Variants in HSF5 observed in about 807,000 individuals in gnomAD.
The protein encoded by HSF5 is heat shock transcription factor 5.
A neutral mutation model predicts 50.8 loss-of-function variants in HSF5; 5 were observed. The ratio of observed to expected loss-of-function variants is 0.10; its 90% CI spans 0.05 to 0.21. HSF5 has a LOEUF of 0.21. HSF5 is among the 10% of genes least tolerant of loss of function. The probability of loss-of-function intolerance (pLI) is 1.00; values close to 1 mark genes in which losing one functional copy is unlikely to be tolerated. For synonymous variants in HSF5, 307 were observed against 307.4 expected (o/e 1.00, Z 0.02); for missense variants, 564 against 762.6 (o/e 0.74, Z 3.07).
intron 5 of HSF5, among the ~76,000 whole-genome samples, chr17:58,453,431 TAAAAATAC>T (rs1567911039): frequency 6.6e-6 from 1 of 151,812 alleles, no homozygotes; most frequent in East Asian, 2.0e-4. Context: ...CTGTCTCTAC[TAAAAATAC>T]AAAAATTAGC....
chr17:58,452,808 C>T (rs900722721), intron 5 of HSF5, among the ~76,000 whole-genome samples: 1 of 152,118 alleles, frequency 6.6e-6, no homozygotes, highest in Admixed American at 6.5e-5. Context: ...ATCTTTCTGC[C>T]CTCCCCAAGT....
chr17:58,426,233 G>T (rs535064934), intron 5 of HSF5, among the ~76,000 whole-genome samples: 10 of 152,154 alleles, frequency 6.6e-5, no homozygotes, highest in African/African-American at 2.2e-4. Context: ...TTAATAATTG[G>T]GCTTTAAAGT....
At chr17:58,469,474 C>T (rs1158406149) in intron 2 of HSF5, among the ~76,000 whole-genome samples, 3 of 152,040 alleles carry the variant, frequency 2.0e-5, no homozygotes, top group Admixed American at 2.0e-4. Flanking sequence ...AAAACAGTAC[C>T]TGTATGAAGA....
intron 5 of HSF5, among the ~76,000 whole-genome samples, chr17:58,442,974 TC>T (rs1427665785): frequency 6.6e-6 from 1 of 151,942 alleles, no homozygotes; most frequent in Non-Finnish European, 1.5e-5. Flanking sequence ...GTGGCAGTGA[TC>T]TCGGCTCACT....
In HSF5 at chr17:58,466,957, A is replaced by G. The variant is rs1974876211; in HGVS notation, c.948T>C (p.Pro316=). 6.2e-7 allele frequency: 1 copy of G among 1,610,648 alleles called. No homozygotes were observed. The highest frequency in any genetic ancestry group is 1.3e-5 in the African/African-American group (1 of 74,856). ...YPTAVLQCCS[P]THMDALSSCV... ...AACTACTTAGAGCATCCATGTGGGT[A>G]GGAGAACAGCACTGTAGCACAGCTG... is the stretch of plus-strand genomic sequence containing the variant. The change falls in exon 3 of 6, where the codon CCT becomes CCC. Residue 316 remains proline, a synonymous_variant. Transcript: ENST00000323777.
chr17:58,439,644 C>T (rs1442544206), intron 5 of HSF5, among the ~76,000 whole-genome samples: 1 of 152,108 alleles, frequency 6.6e-6, no homozygotes, highest in Non-Finnish European at 1.5e-5. Flanking sequence ...GCCACCATGC[C>T]CAGCTAATTC....
At chr17:58,439,651 A>G (rs989575303) in intron 5 of HSF5, among the ~76,000 whole-genome samples, 2 of 152,056 alleles carry the variant, frequency 1.3e-5, no homozygotes, top group African/African-American at 4.8e-5. Context: ...TGCCCAGCTA[A>G]TTCTGTATTT....
chr17:58,437,445 T>C (rs560948591), intron 5 of HSF5, among the ~76,000 whole-genome samples: 5 of 152,212 alleles, frequency 3.3e-5, no homozygotes, highest in Non-Finnish European at 5.9e-5. Context: ...TTTTTAAAAT[T>C]TGAAAAACAT....
intron 2 of HSF5, among the ~76,000 whole-genome samples, chr17:58,469,612 C>T (rs1477596744): frequency 6.6e-6 from 1 of 151,978 alleles, no homozygotes; most frequent in Non-Finnish European, 1.5e-5. Flanking sequence ...ATATGAAAAC[C>T]TAGGCATAGA....
chr17:58,445,369 A>G (rs1198339184), intron 5 of HSF5, among the ~76,000 whole-genome samples: 1 of 152,204 alleles, frequency 6.6e-6, no homozygotes, highest in African/African-American at 2.4e-5. Context: ...ATTTGAGTCC[A>G]GGAGTTTTGA....
chr17:58,480,365 C>T, intron 1 of HSF5, 98 bp from the exon 2 acceptor site: 1 of 1,162,724 alleles, frequency 8.6e-7, no homozygotes, highest in Admixed American at 2.5e-5. Flanking sequence ...CACCTATCAG[C>T]CATTTTTAAC....
chr17:58,478,719 C>T (rs572612423), intron 2 of HSF5, among the ~76,000 whole-genome samples: 11 of 150,794 alleles, frequency 7.3e-5, no homozygotes, highest in African/African-American at 2.4e-4. Context: ...AAAAATTAGC[C>T]GGGTGTGGTG....
At chr17:58,433,761 C>T (rs1187171831) in intron 5 of HSF5, among the ~76,000 whole-genome samples, 5 of 152,044 alleles carry the variant, frequency 3.3e-5, no homozygotes, top group Non-Finnish European at 7.4e-5. Flanking sequence ...CATTGGAAAC[C>T]TTGACAAATG....
chr17:58,454,239 A>C (rs893541949), intron 5 of HSF5, among the ~76,000 whole-genome samples: 10 of 152,178 alleles, frequency 6.6e-5, no homozygotes, highest in African/African-American at 2.4e-4. Flanking sequence ...AAAACAAAAC[A>C]AAACAAAAAA....
At chr17:58,446,592 ACTGAGT>A (rs750917226) in intron 5 of HSF5, among the ~76,000 whole-genome samples, 9 of 152,158 alleles carry the variant, frequency 5.9e-5, no homozygotes, top group Non-Finnish European at 1.3e-4. Flanking sequence ...GTGGGAAGAA[ACTGAGT>A]CTTGGCCTGA....
chr17:58,466,203 G>A (rs550127232), intron 3 of HSF5, among the ~76,000 whole-genome samples: 14 of 152,198 alleles, frequency 9.2e-5, no homozygotes, highest in African/African-American at 3.4e-4. Context: ...TTGACTAAGG[G>A]ATACTGAACC....
chr17:58,478,470 C>A (rs1489014547), intron 2 of HSF5, among the ~76,000 whole-genome samples: 1 of 121,252 alleles, frequency 8.2e-6, no homozygotes, highest in African/African-American at 3.2e-5. Flanking sequence ...AGCGAGACTC[C>A]ATCTCAAAAA....
At chr17:58,431,836 C>G (rs1046345354) in intron 5 of HSF5, among the ~76,000 whole-genome samples, 1 of 152,114 alleles carries the variant, frequency 6.6e-6, no homozygotes, top group Admixed American at 6.6e-5. Flanking sequence ...TCAAACCTTA[C>G]CTCTTAGTGG....
intron 5 of HSF5, among the ~76,000 whole-genome samples, chr17:58,458,036 G>T (rs1427893456): frequency 6.6e-6 from 1 of 152,038 alleles, no homozygotes; most frequent in African/African-American, 2.4e-5. Flanking sequence ...TTAAAATGAT[G>T]GTCTGTCATT....
Sources: gnomAD v4.1 joint callset for allele counts (sites outside exome capture counted in the v4.1 genomes callset) on GRCh38, gnomAD v4.1.1 for gene constraint, MANE v1.5 for transcripts, NCBI Gene and HGNC (gene_info 2026-07-23, HGNC 2026-07-21) for gene names.